RSRC1: variants seen among roughly 807,000 people sequenced by gnomAD.
The protein encoded by RSRC1 is arginine and serine rich coiled-coil 1.
A neutral mutation model predicts 49.1 loss-of-function variants in RSRC1; 39 were observed. The ratio of observed to expected loss-of-function variants is 0.79; its 90% CI spans 0.61 to 1.04. The LOEUF is 1.04. Among genes scored for constraint, RSRC1 ranks in the 50% least tolerant of loss-of-function variants. The pLI is 0.00. For missense variants in RSRC1, 388 were observed against 402.4 expected (o/e 0.96, Z 0.31); for synonymous variants, 143 against 130.8 (o/e 1.09, Z -0.63).
At chr3:158,443,709 A>G (rs916729271) in intron 6 of RSRC1, among the ~76,000 whole-genome samples, 2 of 152,126 alleles carry the variant, frequency 1.3e-5, no homozygotes, top group African/African-American at 2.4e-5. Flanking sequence ...TGCATTCACA[A>G]TGTGTTGCAC....
At chr3:158,303,109 T>G (rs1727654934) in intron 5 of RSRC1, 1 of 152,118 alleles carries the variant, frequency 6.6e-6, no homozygotes, top group South Asian at 2.1e-4. Flanking sequence ...TTTTTCCAAT[T>G]AAGGAAAAAA....
chr3:158,165,527 C>A (rs116419766), intron 3 of RSRC1, among the ~76,000 whole-genome samples: 2,403 of 152,342 alleles, frequency 0.016, 84 homozygotes, highest in African/African-American at 0.055. Context: ...ATGGAAAAAG[C>A]TTCAACTACA....
At chr3:158,122,364 A>G in intron 2 of RSRC1, 66 bp downstream of exon 2, 1 of 1,174,152 alleles carries the variant, frequency 8.5e-7, no homozygotes, top group Non-Finnish European at 1.1e-6. Flanking sequence ...ATGTTTTTGT[A>G]TTTTTAATTT....
At chr3:158,507,699 A>T (rs1046832907) in intron 7 of RSRC1, among the ~76,000 whole-genome samples, 3 of 152,138 alleles carry the variant, frequency 2.0e-5, no homozygotes, top group Non-Finnish European at 2.9e-5. Flanking sequence ...TCTATTGTTT[A>T]AAAAAATACA....
chr3:158,139,606 T>C (rs1006799269), intron 3 of RSRC1, among the ~76,000 whole-genome samples: 1 of 151,304 alleles, frequency 6.6e-6, no homozygotes, highest in African/African-American at 2.4e-5. Flanking sequence ...AATTAATAGC[T>C]AATGATGCTT....
At chr3:158,371,089 T>C (rs1402137168) in intron 6 of RSRC1, among the ~76,000 whole-genome samples, 1 of 151,890 alleles carries the variant, frequency 6.6e-6, no homozygotes, top group Non-Finnish European at 1.5e-5. Context: ...CTTTCTGAAG[T>C]ATCTGCTCAT....
At chr3:158,431,771 T>C (rs1196619708) in intron 6 of RSRC1, among the ~76,000 whole-genome samples, 1 of 151,916 alleles carries the variant, frequency 6.6e-6, no homozygotes, top group African/African-American at 2.4e-5. Flanking sequence ...ATACTGAGAA[T>C]GTTGATTTTT....
intron 3 of RSRC1, among the ~76,000 whole-genome samples, chr3:158,175,923 T>C (rs1409790602): frequency 2.0e-5 from 3 of 152,128 alleles, no homozygotes; most frequent in Admixed American, 6.5e-5. Flanking sequence ...GAATCAGCTA[T>C]TGAAGCTTGT....
intron 3 of RSRC1, among the ~76,000 whole-genome samples, chr3:158,192,172 G>A (rs1720281074): frequency 6.6e-6 from 1 of 152,032 alleles, no homozygotes; most frequent in Non-Finnish European, 1.5e-5. Context: ...GACATAGAGG[G>A]CAGGGGGAAG....
intron 1 of RSRC1, among the ~76,000 whole-genome samples, chr3:158,120,316 C>T (rs1446141547): frequency 6.6e-6 from 1 of 151,972 alleles, no homozygotes; most frequent in Non-Finnish European, 1.5e-5. Context: ...TTCAGAGCTA[C>T]ATTTAAAATC....
intron 7 of RSRC1, among the ~76,000 whole-genome samples, chr3:158,491,909 G>A (rs1427986418): frequency 6.6e-6 from 1 of 152,108 alleles, no homozygotes; most frequent in Non-Finnish European, 1.5e-5. Context: ...TTAGATCTCA[G>A]TAGCATTTTT....
At chr3:158,323,204 T>G (rs1170679612) in intron 5 of RSRC1, among the ~76,000 whole-genome samples, 1 of 152,180 alleles carries the variant, frequency 6.6e-6, no homozygotes, top group Admixed American at 6.5e-5. Flanking sequence ...ACTGTGAAAT[T>G]TGGTACCTCT....
intron 6 of RSRC1, among the ~76,000 whole-genome samples, chr3:158,453,450 A>G (rs933703655): frequency 6.8e-6 from 1 of 147,598 alleles, no homozygotes; most frequent in Non-Finnish European, 1.5e-5. Flanking sequence ...TTGGGATTCT[A>G]GCTCACTGCA....
At chr3:158,518,118 GTGTGTGTGTATA>G (rs1420157836) in intron 7 of RSRC1, among the ~76,000 whole-genome samples, 5 of 75,806 alleles carry the variant, frequency 6.6e-5, no homozygotes, top group Middle Eastern at 7.1e-3. Flanking sequence ...GTGTGTGTGT[GTGTGTGTGTATA>G]TATATATATA....
At chr3:158,347,874 A>AT (rs915358235) in intron 5 of RSRC1, among the ~76,000 whole-genome samples, 1 of 152,032 alleles carries the variant, frequency 6.6e-6, no homozygotes, top group Non-Finnish European at 1.5e-5. Flanking sequence ...TTCTCTTTTT[A>AT]TTTTTTTTAA....
At chr3:158,352,429 G>A (rs899224163) in intron 5 of RSRC1, among the ~76,000 whole-genome samples, 1 of 151,824 alleles carries the variant, frequency 6.6e-6, no homozygotes, top group East Asian at 1.9e-4. Context: ...TGAATGTTGG[G>A]TATACATTAT....
intron 6 of RSRC1, among the ~76,000 whole-genome samples, chr3:158,443,241 C>T (rs1333112393): frequency 2.6e-5 from 4 of 152,128 alleles, no homozygotes; most frequent in Admixed American, 2.6e-4. Context: ...GCATTGACTT[C>T]CTCTCTCTAC....
At chr3:158,209,015 GC>G (rs1244056616) in intron 4 of RSRC1, among the ~76,000 whole-genome samples, 6 of 152,140 alleles carry the variant, frequency 3.9e-5, no homozygotes, top group African/African-American at 1.2e-4. Flanking sequence ...TATGTAAGTA[GC>G]CACTAGTGAT....
chr3:158,150,095 T>A (rs186032404), intron 3 of RSRC1, among the ~76,000 whole-genome samples: 98 of 152,350 alleles, frequency 6.4e-4, no homozygotes, highest in Admixed American at 1.4e-3. Context: ...TGGTTAATTT[T>A]ATCATTCATT....
Sources: gnomAD v4.1 joint callset for allele counts (sites outside exome capture counted in the v4.1 genomes callset) on GRCh38, gnomAD v4.1.1 for gene constraint, MANE v1.5 for transcripts, NCBI Gene and HGNC (gene_info 2026-07-23, HGNC 2026-07-21) for gene names.